The following DMBT1 variants were observed in gnomAD, a reference collection of about 807,000 sequenced individuals.
The protein encoded by DMBT1 is deleted in malignant brain tumors 1, also known as scavenger receptor cysteine-rich domain-containing protein DMBT1.
DMBT1 carries 198 observed loss-of-function variants against 252.9 expected under a neutral mutation model. The observed-to-expected ratio is 0.78, with a 90% confidence interval of 0.70 to 0.88. DMBT1 has a LOEUF of 0.88. Ranked by LOEUF, DMBT1 falls within the 40% of genes least tolerant of loss-of-function variation. DMBT1 has a pLI of 0.00. For synonymous variants in DMBT1, 990 were observed against 942.7 expected, an observed-to-expected ratio of 1.05 and a Z score of -0.92; for missense variants, 2,432 against 2,404.7, an observed-to-expected ratio of 1.01 and a Z score of -0.24.
Position 122,599,048 on chromosome 10 carries a change from G to T in DMBT1, c.3231G>T (p.Trp1077Cys). 6.2e-7 allele frequency: 1 copy of T among 1,613,794 alleles called. No individual in the cohort carries two copies. The highest frequency in any genetic ancestry group is 8.5e-7 in the Non-Finnish European group (1 of 1,179,748). The change falls in exon 26 of 56, where the codon TGG (tryptophan) becomes TGT (cysteine). Residue 1077 changes from tryptophan (W) to cysteine (C), a missense_variant. Coordinates refer to ENST00000338354, the MANE Select transcript of DMBT1 (RefSeq NM_001377530.1). ...TGTGGAGCTGCCCCCACAATGGCTG[G>T]CTCTCCCACAACTGTGGCCATAGTG... ...SYLWSCPHNGWLSHNCGHSED... is the reference protein window; with the variant it reads ...SYLWSCPHNGCLSHNCGHSED...
In DMBT1 at chr10:122,572,359, A is replaced by G; in HGVS notation, c.233A>G (p.Glu78Gly). The change falls in exon 5 of 56, where the codon GAA (glutamate) becomes GGA (glycine). Residue 78 changes from glutamate (E) to glycine (G), a missense_variant and splice_region_variant. Physicochemically the swap from Glu to Gly is moderately conservative, Grantham distance 98. Around this residue, in one of 3 missense-constraint regions of DMBT1, gnomAD observed 1,264 missense variants for 1,082.2 expected, o/e 1.17. Transcript: ENST00000338354. ...LESTLESTVA[E>G]GSLIPSESTL... ...TCAACCCTGGAGTCAACCGTAGCAGAAGGTAACGTCTACTATGGGGGAGCT... is the reference window on the plus strand; with the variant it reads ...TCAACCCTGGAGTCAACCGTAGCAGGAGGTAACGTCTACTATGGGGGAGCT... 1 of 1,613,026 alleles carries G rather than the reference A, an allele frequency of 6.2e-7. No homozygotes were observed. Among genetic ancestry groups the G allele is most frequent in the South Asian group, 1.1e-5 (1 of 91,064 alleles).
Position 122,579,733 on chromosome 10 carries a change from T to G in DMBT1, c.835T>G (p.Trp279Gly), listed in dbSNP as rs746635143. The change falls in exon 10 of 56, where the codon TGG (tryptophan) becomes GGG (glycine). Residue 279 changes from tryptophan (W) to glycine (G), a missense_variant. Around this residue, in one of 3 missense-constraint regions of DMBT1, gnomAD observed 1,264 missense variants for 1,082.2 expected, o/e 1.17. Coordinates refer to ENST00000338354, the MANE Select transcript of DMBT1 (RefSeq NM_001377530.1). Reference protein sequence around the residue: ...NVVCRQLGCGWAMSAPGNAQF... With the variant: ...NVVCRQLGCGGAMSAPGNAQF... Reference sequence around the variant, plus strand: ...GGTCTGCAGGCAGCTGGGCTGTGGCTGGGCCATGTCAGCCCCAGGAAATGC... The same window carrying G: ...GGTCTGCAGGCAGCTGGGCTGTGGCGGGGCCATGTCAGCCCCAGGAAATGC... The G allele has an allele frequency of 2.0e-5, 32 of 1,613,740 alleles. No homozygotes were observed. The highest frequency in any genetic ancestry group is 2.7e-5 in the African/African-American group (2 of 74,918).
intron 26 of DMBT1, 97 bp downstream of exon 26, chr10:122,599,194 C>T (rs1445767862): frequency 1.9e-6 from 3 of 1,579,790 alleles, no homozygotes. Flanking sequence ...AAAGCTTCTT[C>T]TATGTTTTCT....
In DMBT1 at chr10:122,584,797, A is replaced by C. The variant is rs898915280; in HGVS notation, c.1420+446A>C. Among the ~76,000 whole-genome samples the C allele has an allele frequency of 1.2e-3, 176 of 149,234 alleles. 10 individuals are homozygous for C. Among genetic ancestry groups the C allele is most frequent in the African/African-American group, 4.0e-3 (164 of 41,312 alleles). ...GACACCTCCCTTCCTCACTCCTTCC[A>C]ACACCCAGATTCTGCAGCGCTACAT... is the stretch of plus-strand genomic sequence containing the variant. On this transcript the variant is annotated intron_variant, in intron 14 of 55. Transcript: ENST00000338354.
At chr10:122,580,536 G>C (rs1002826395) in intron 10 of DMBT1, among the ~76,000 whole-genome samples, 1 of 151,884 alleles carries the variant, frequency 6.6e-6, no homozygotes, top group Non-Finnish European at 1.5e-5. Flanking sequence ...CTTGAAGATC[G>C]CACAAGGGAT....
At position 122,586,388 on chromosome 10, in the gene DMBT1, G is replaced by C. The variant is rs367659692; in HGVS notation, c.1783+5G>C. 2.5e-6 allele frequency: 4 copies of C among 1,588,002 alleles called. No homozygotes were observed. Among genetic ancestry groups the C allele is most frequent in the African/African-American group, 1.3e-5 (1 of 74,490 alleles). On this transcript the variant is annotated splice_donor_5th_base_variant and intron_variant, in intron 16 of 55. Coordinates refer to ENST00000338354, the MANE Select transcript of DMBT1 (RefSeq NM_001377530.1). Reference sequence around the variant, plus strand: ...ACGCTGGTGTCATCTGCTCAGGTGGGCCTCCAAGACTTTTGGTTTCCTCTC... The same window carrying C: ...ACGCTGGTGTCATCTGCTCAGGTGGCCCTCCAAGACTTTTGGTTTCCTCTC...
At chr10:122,585,193 C>T in intron 14 of DMBT1, 78 bp from the exon 15 acceptor site, 2 of 1,529,570 alleles carry the variant, frequency 1.3e-6, no homozygotes, top group Non-Finnish European at 1.8e-6. Context: ...ATGATGCTCG[C>T]CTTCTCCGGA....
rs957603250 is a variant in DMBT1, at chr10:122,570,214, G to A, written c.139+5G>A. 1 of 1,579,586 alleles carries A rather than the reference G, an allele frequency of 6.3e-7. No individual in the cohort carries two copies. Among genetic ancestry groups the A allele is most frequent in the Non-Finnish European group, 8.7e-7 (1 of 1,148,870 alleles). The stretch of plus-strand genomic sequence containing the variant: ...TGGATCCAACTGTAGCAGAAGGTAA[G>A]GTCTATTATGGGGGAACCCTGTGGG... On this transcript the variant is annotated splice_donor_5th_base_variant and intron_variant, in intron 3 of 55. Transcript: ENST00000338354.
rs780382829 is a variant in DMBT1, at chr10:122,637,352, G to A, written c.6942+40G>A. ...TCCCATTCCATTTCCCAGTGCACAA[G>A]CTTTCTTAGAGCGGTATGTCCTGTG... On this transcript the variant is annotated intron_variant, in intron 54 of 55. Transcript: ENST00000338354. The A allele has an allele frequency of 7.1e-6, 11 of 1,548,038 alleles. No homozygotes were observed. The East Asian group carries it at 1.7e-4, about 23-fold the overall frequency.
intron 41 of DMBT1, among the ~76,000 whole-genome samples, chr10:122,618,741 C>G (rs1031955901): frequency 6.6e-6 from 1 of 152,216 alleles, no homozygotes; most frequent in Non-Finnish European, 1.5e-5. Context: ...AGATGCTTGT[C>G]TGGAAGTGGG....
rs755335444 is a variant in DMBT1 at position 122,621,386 on chromosome 10, C to T, written c.5608+6C>T. ...CGCTGGTGTCATCTGCTCAGGTGGG[C>T]CTTCAAGACCTGGGGCTCCCTCTCT... On this transcript the variant is annotated splice_donor_region_variant and intron_variant, in intron 44 of 55. Transcript: ENST00000338354. 1.2e-6 allele frequency: 2 copies of T among 1,613,696 alleles called. No individual in the cohort carries two copies.
At position 122,631,153 on chromosome 10, in the gene DMBT1, G is replaced by A; in HGVS notation, c.6218G>A (p.Gly2073Asp). 6.2e-7 allele frequency: 1 copy of A among 1,613,978 alleles called. No homozygotes were observed. Among genetic ancestry groups the A allele is most frequent in the Non-Finnish European group, 8.5e-7 (1 of 1,179,898 alleles). The change falls in exon 49 of 56, where the codon GGC becomes GAC. Residue 2073 changes from glycine to aspartate, a missense_variant. Coordinates refer to ENST00000338354, the MANE Select transcript of DMBT1 (RefSeq NM_001377530.1). ...SALGNAYFGS[G>D]SGPITLDDVE... ...CTTGGAAATGCATATTTTGGCTCTG[G>A]CTCTGGCCCCATCACCCTGGACGAT...
In DMBT1 at chr10:122,598,020, T is replaced by A. The variant is rs3980982; in HGVS notation, c.2956+8T>A. On this transcript the variant is annotated splice_region_variant and intron_variant, in intron 25 of 55. Transcript: ENST00000338354. ...TGCCTGCATCGACAGTAGGTAAATA[T>A]TCCTCTCGCCCCTCCCTAGGGCTCA... 4.8e-3 allele frequency: 7,818 copies of A among 1,613,878 alleles called. 399 individuals carry two copies. The East Asian group carries it at 0.12, about 24-fold the overall frequency.
At chr10:122,570,397 G>T (rs1200017112) in intron 3 of DMBT1, among the ~76,000 whole-genome samples, 188 bp downstream of exon 3, 1 of 152,060 alleles carries the variant, frequency 6.6e-6, no homozygotes, top group Non-Finnish European at 1.5e-5. Flanking sequence ...GTGAGACTGG[G>T]CTCCCCAAGG....
rs2277242 is a variant in DMBT1 at position 122,598,904 on chromosome 10, C to G, written c.3087C>G (p.Val1029=). 79,755 of 1,613,692 alleles carry G rather than the reference C, an allele frequency of 0.049. 3,676 individuals carry two copies. Among genetic ancestry groups the G allele is most frequent in the East Asian group, 0.22 (9,708 of 44,850 alleles). The change falls in exon 26 of 56, where the codon GTC becomes GTG. Residue 1029 remains valine, a synonymous_variant. Transcript: ENST00000338354. ...GCTGGGACACCAATGATGCCAATGT[C>G]GTCTGCAGGCAACTGGGCTGTGGCT... is the stretch of plus-strand genomic sequence containing the variant. ...DDSWDTNDAN[V]VCRQLGCGWA...
chr10:122,590,749 CT>C lies in DMBT1; in HGVS notation c.2137+60del, dbSNP rs1246503136. 1.2e-5 allele frequency: 18 copies of C among 1,563,792 alleles called. 2 individuals carry two copies. Among genetic ancestry groups the C allele is most frequent in the Non-Finnish European group, 1.4e-5 (16 of 1,144,856 alleles). On this transcript the variant is annotated intron_variant, in intron 18 of 55. Coordinates refer to ENST00000338354, the MANE Select transcript of DMBT1 (RefSeq NM_001377530.1). ...TCCCTTTTCTTTCTGCACAATTATC[CT>C]TTTTCCCATTCCACAGAGCCCTCCT...
chr10:122,571,997 A>G (rs2981799), intron 4 of DMBT1, among the ~76,000 whole-genome samples: 104,542 of 152,098 alleles, frequency 0.69, 36,148 homozygotes, highest in East Asian at 0.78. Context: ...CTATAGAAAC[A>G]GCCAGATGTC....
chr10:122,574,189 T>C (rs117255006), intron 6 of DMBT1, among the ~76,000 whole-genome samples: 5 of 152,346 alleles, frequency 3.3e-5, no homozygotes, highest in Non-Finnish European at 7.3e-5. Flanking sequence ...TTTAAGCCTA[T>C]ATTATGCCAC....
intron 26 of DMBT1, 127 bp downstream of exon 26, chr10:122,599,224 A>G: frequency 1.3e-6 from 2 of 1,513,742 alleles, no homozygotes; most frequent in Non-Finnish European, 8.9e-7. Context: ...AAGACTTGTT[A>G]GCTCTCTGCT....
Sources: allele counts gnomAD v4.1 joint callset (sites outside exome capture counted in the v4.1 genomes callset), GRCh38; gene constraint gnomAD v4.1.1; regional missense constraint gnomAD v4.1.1; transcripts MANE v1.5; gene names NCBI Gene and HGNC (gene_info 2026-07-23, HGNC 2026-07-21).